Variants in TRMT9B observed in about 807,000 individuals in gnomAD.
TRMT9B encodes the protein tRNA methyltransferase 9B (putative), also known as probable tRNA methyltransferase 9B.
A neutral mutation model predicts 11.5 loss-of-function variants in TRMT9B; 16 were observed. The observed-to-expected ratio is 1.39, with a 90% confidence interval of 0.94 to 2.11. The LOEUF is 2.11. Ranked by LOEUF, TRMT9B falls within the 30% of genes most tolerant of loss-of-function variation. The pLI is 0.00. For missense variants in TRMT9B, 941 were observed against 553.8 expected (o/e 1.70, Z -7.02); for synonymous variants, 274 against 192.4 (o/e 1.42, Z -3.51).
intron 1 of TRMT9B, among the ~76,000 whole-genome samples, chr8:12,950,356 G>A (rs1276864102): frequency 6.6e-6 from 1 of 152,108 alleles, no homozygotes; most frequent in Non-Finnish European, 1.5e-5. Flanking sequence ...CTATACTTTA[G>A]GTATGCTTTG....
chr8:12,994,775 G>T lies in TRMT9B; in HGVS notation c.-2+3744G>T, dbSNP rs190819385. Among the ~76,000 whole-genome samples the T allele has an allele frequency of 2.2e-3, 338 of 152,212 alleles. 4 individuals carry two copies. The highest frequency in any genetic ancestry group is 0.01 in the Middle Eastern group (3 of 294). On this transcript the variant is annotated intron_variant, in intron 2 of 4. Transcript: ENST00000524591. ...CAGCTCACTGCAACCTCCGCCTTTC[G>T]GGTTCAAGCAATTCTCCTGCCTCAG...
Position 12,967,796 on chromosome 8 carries a change from GT to G in TRMT9B, c.-200+21834del, listed in dbSNP as rs1317857475. Among the ~76,000 whole-genome samples, 4 of 152,348 alleles carry G rather than the reference GT, an allele frequency of 2.6e-5. No homozygotes were observed. The East Asian group carries it at 7.7e-4, about 29-fold the overall frequency. On this transcript the variant is annotated intron_variant, in intron 1 of 4. Coordinates refer to ENST00000524591, the MANE Select transcript of TRMT9B (RefSeq NM_020844.3). Reference sequence around the variant, plus strand: ...CAGTGGGACAAAGCTTAACAAATGGGTTTTGAAGCATTGTTAACAGTTTAAT... The same window carrying G: ...CAGTGGGACAAAGCTTAACAAATGGGTTTGAAGCATTGTTAACAGTTTAAT...
chr8:12,995,644 C>T (rs533517087), intron 2 of TRMT9B, among the ~76,000 whole-genome samples: 1 of 152,212 alleles, frequency 6.6e-6, no homozygotes, highest in African/African-American at 2.4e-5. Flanking sequence ...TTTACTGATA[C>T]ACATGTTTGT....
chr8:13,015,584 G>A (rs1447157295), intron 4 of TRMT9B, among the ~76,000 whole-genome samples: 1 of 151,980 alleles, frequency 6.6e-6, no homozygotes, highest in Non-Finnish European at 1.5e-5. Flanking sequence ...GAAGTCCAGG[G>A]CTCAACCAGT....
intron 3 of TRMT9B, among the ~76,000 whole-genome samples, chr8:13,008,701 C>G (rs987486441): frequency 6.6e-6 from 1 of 152,176 alleles, no homozygotes; most frequent in African/African-American, 2.4e-5. Context: ...GTAAAAATAT[C>G]TGCAACACAT....
intron 1 of TRMT9B, among the ~76,000 whole-genome samples, chr8:12,964,084 C>G (rs1352040041): frequency 1.3e-5 from 2 of 152,114 alleles, no homozygotes; most frequent in African/African-American, 2.4e-5. Flanking sequence ...TTAGGATGCC[C>G]TAAAACAGAG....
At chr8:12,994,269 A>G (rs1238636910) in intron 2 of TRMT9B, among the ~76,000 whole-genome samples, 2 of 152,254 alleles carry the variant, frequency 1.3e-5, no homozygotes, top group Non-Finnish European at 1.5e-5. Flanking sequence ...CCAGAATCTT[A>G]GATCTCCAAA....
At chr8:12,982,539 G>C (rs940398737) in intron 1 of TRMT9B, among the ~76,000 whole-genome samples, 4 of 152,094 alleles carry the variant, frequency 2.6e-5, no homozygotes, top group African/African-American at 9.7e-5. Flanking sequence ...GCACATGCTT[G>C]TAATCGCAGC....
At chr8:13,002,007 T>G (rs1479332422) in intron 2 of TRMT9B, among the ~76,000 whole-genome samples, 1 of 152,194 alleles carries the variant, frequency 6.6e-6, no homozygotes, top group African/African-American at 2.4e-5. Flanking sequence ...TTATAGGAAA[T>G]TTAAATCCGC....
chr8:12,967,647 A>T (rs1803008396), intron 1 of TRMT9B, among the ~76,000 whole-genome samples: 1 of 152,158 alleles, frequency 6.6e-6, no homozygotes, highest in Non-Finnish European at 1.5e-5. Context: ...AAGCCTCCTG[A>T]GTTTTCAATT....
rs1019918441 is a variant in TRMT9B, at chr8:12,999,512, A to T, written c.-1-6690A>T. 3.9e-5 allele frequency among the ~76,000 whole-genome samples: 6 copies of T among 152,292 alleles called. No individual in the cohort carries two copies. In the East Asian group the frequency reaches 1.2e-3, roughly 29 times the overall value. ...ATGCAGTTTGTTATATGTCAATTAT[A>T]CCTAAATAAAACTGTTAAAATATGA... On this transcript the variant is annotated intron_variant, in intron 2 of 4. Coordinates refer to ENST00000524591, the MANE Select transcript of TRMT9B (RefSeq NM_020844.3).
At chr8:12,966,003 ACT>A (rs1259975895) in intron 1 of TRMT9B, among the ~76,000 whole-genome samples, 1 of 148,458 alleles carries the variant, frequency 6.7e-6, no homozygotes, top group East Asian at 2.0e-4. Flanking sequence ...ACAGAGCAAG[ACT>A]CTGTCTCAAA....
chr8:12,982,445 T>C (rs1342770360), intron 1 of TRMT9B, among the ~76,000 whole-genome samples: 1 of 152,130 alleles, frequency 6.6e-6, no homozygotes, highest in Non-Finnish European at 1.5e-5. Context: ...GTGGATCACT[T>C]GAGGTCAGGA....
At chr8:12,984,047 G>A (rs539335879) in intron 1 of TRMT9B, among the ~76,000 whole-genome samples, 8 of 152,280 alleles carry the variant, frequency 5.3e-5, no homozygotes, top group South Asian at 2.1e-4. Flanking sequence ...TCACACAACC[G>A]CAGATTGTCC....
intron 3 of TRMT9B, chr8:13,011,891 C>T: frequency 7.1e-6 from 7 of 984,374 alleles, no homozygotes; most frequent in African/African-American, 3.5e-5. Flanking sequence ...ATTTGAAAGG[C>T]ATGTTTTAGT....
intron 1 of TRMT9B, among the ~76,000 whole-genome samples, chr8:12,976,121 T>C (rs1012701566): frequency 5.9e-5 from 9 of 152,174 alleles, no homozygotes; most frequent in Non-Finnish European, 1.2e-4. Flanking sequence ...GCCAAGAGTC[T>C]TAGGTACAAC....
intron 1 of TRMT9B, among the ~76,000 whole-genome samples, chr8:12,954,834 A>T (rs1801092450): frequency 6.6e-6 from 1 of 152,220 alleles, no homozygotes. Flanking sequence ...CATCCAGAGA[A>T]ACTTCTAACC....
chr8:12,968,935 G>C (rs1405092901), intron 1 of TRMT9B, among the ~76,000 whole-genome samples: 1 of 152,210 alleles, frequency 6.6e-6, no homozygotes, highest in East Asian at 1.9e-4. Context: ...AAGTGGGCTG[G>C]GTGAGGTGGC....
chr8:12,997,539 T>C (rs1474730347), intron 2 of TRMT9B, among the ~76,000 whole-genome samples: 3 of 152,216 alleles, frequency 2.0e-5, no homozygotes, highest in African/African-American at 4.8e-5. Flanking sequence ...TGGACTAATA[T>C]AGGGACTGAT....
Sources: allele counts gnomAD v4.1 joint callset (sites outside exome capture counted in the v4.1 genomes callset), GRCh38; gene constraint gnomAD v4.1.1; transcripts MANE v1.5; gene names NCBI Gene and HGNC (gene_info 2026-07-23, HGNC 2026-07-21).